The following ALDH1A1 variants were observed in gnomAD, a reference collection of about 807,000 sequenced individuals.
ALDH1A1 encodes the protein aldehyde dehydrogenase 1 family member A1, also known as aldehyde dehydrogenase 1A1.
In ALDH1A1, 19 loss-of-function variants were observed where a neutral mutation model predicts 62.1. The ratio of observed to expected loss-of-function variants is 0.31; its 90% CI spans 0.21 to 0.45. ALDH1A1 has a LOEUF of 0.45. Among genes scored for constraint, ALDH1A1 ranks in the 20% least tolerant of loss-of-function variants. The pLI is 1.00. For synonymous variants in ALDH1A1, 231 were observed against 215.9 expected (o/e 1.07, Z -0.61); for missense variants, 521 against 607.1 (o/e 0.86, Z 1.49).
chr9:72,931,559 A>T (rs1004599593), intron 2 of ALDH1A1, among the ~76,000 whole-genome samples: 7 of 152,210 alleles, frequency 4.6e-5, no homozygotes, highest in African/African-American at 1.4e-4. Context: ...CAAGCTCAAG[A>T]TCCAAAATAA....
intron 9 of ALDH1A1, 96 bp downstream of exon 9, chr9:72,916,824 C>T (rs1449719101): frequency 2.0e-6 from 2 of 1,015,430 alleles, no homozygotes; most frequent in East Asian, 2.9e-5. Context: ...GGAAGGTGTG[C>T]AGATGGGAAG....
intron 1 of ALDH1A1, among the ~76,000 whole-genome samples, chr9:72,944,434 C>T (rs1434199566): frequency 6.6e-6 from 1 of 152,062 alleles, no homozygotes. Flanking sequence ...TTTTCTTCCC[C>T]TTAGCTACAG....
In ALDH1A1 at chr9:72,909,694, G is replaced by A. The variant is rs768578296; in HGVS notation, c.1266C>T (p.Asn422=). 5.0e-6 allele frequency: 8 copies of A among 1,613,502 alleles called. No homozygotes were observed. Among genetic ancestry groups the A allele is most frequent in the East Asian group, 2.2e-5 (1 of 44,858 alleles). Residue 422 remains asparagine, a synonymous_variant, in exon 11 of 13, where the codon AAC becomes AAT. Transcript: ENST00000297785. The part of the protein sequence containing the change: ...KSLDDVIKRA[N]NTFYGLSAGV... ...CTGCTGATAAGCCATAGAAAGTATT[G>A]TTTGCTCTTTTGATCACGTCATCTA... is the stretch of plus-strand genomic sequence containing the variant.
chr9:72,945,311 C>T (rs1588145735), intron 1 of ALDH1A1, among the ~76,000 whole-genome samples: 1 of 151,658 alleles, frequency 6.6e-6, no homozygotes, highest in East Asian at 1.9e-4. Flanking sequence ...CTCAGAGTGC[C>T]TTAAATTAAT....
intron 7 of ALDH1A1, 159 bp downstream of exon 7, chr9:72,923,860 C>G: frequency 2.0e-6 from 1 of 497,252 alleles, no homozygotes; most frequent in Admixed American, 3.9e-5. Context: ...ACTACATCTG[C>G]TTATATTCTA....
chr9:72,940,165 C>A lies in ALDH1A1; in HGVS notation c.154G>T (p.Val52Leu). The A allele has an allele frequency of 1.2e-6, 2 of 1,612,764 alleles. No individual in the cohort carries two copies. Among genetic ancestry groups the A allele is most frequent in the Non-Finnish European group, 1.7e-6 (2 of 1,178,940 alleles). ...NPATEEELCQ[V>L]EEGDKEDVDK... ...AAACTCACCTTATCTCCTTCTTCTA[C>A]CTGGCAGAGCTCCTCCTCAGTTGCA... The change falls in exon 2 of 13, where the codon GTA (valine) becomes TTA (leucine). Residue 52 changes from valine to leucine, a missense_variant. Physicochemically the swap from Val to Leu is conservative, Grantham distance 32. Coordinates refer to ENST00000297785, the MANE Select transcript of ALDH1A1 (RefSeq NM_000689.5).
intron 11 of ALDH1A1, among the ~76,000 whole-genome samples, chr9:72,907,886 G>A (rs1325717438): frequency 2.0e-5 from 3 of 152,088 alleles, no homozygotes; most frequent in African/African-American, 2.4e-5. Context: ...TAGCTATACC[G>A]ACTATTCAAG....
chr9:72,924,004 A>G lies in ALDH1A1; in HGVS notation c.747+15T>C, dbSNP rs745673828. ...GCAGACATTCTTAACTTTTGCCCTG[A>G]GTAAATAATATTACCTCTGTTGATC... On this transcript the variant is annotated intron_variant, in intron 7 of 12. Transcript: ENST00000297785. 1 of 1,558,726 alleles carries G rather than the reference A, an allele frequency of 6.4e-7. No individual in the cohort carries two copies. Among genetic ancestry groups the G allele is most frequent in the Non-Finnish European group, 8.7e-7 (1 of 1,145,926 alleles).
intron 11 of ALDH1A1, among the ~76,000 whole-genome samples, chr9:72,909,354 A>C (rs1829950528): frequency 6.6e-6 from 1 of 151,942 alleles, no homozygotes; most frequent in African/African-American, 2.4e-5. Context: ...GCGTTTCACC[A>C]TGTTGGCCAG....
chr9:72,920,757 T>G (rs1460895612), intron 7 of ALDH1A1, among the ~76,000 whole-genome samples: 1 of 152,212 alleles, frequency 6.6e-6, no homozygotes, highest in Non-Finnish European at 1.5e-5. Flanking sequence ...TTCATTCCCT[T>G]ATTTGGAGAA....
chr9:72,927,048 G>A (rs766798768), intron 5 of ALDH1A1, 68 bp downstream of exon 5: 3 of 1,117,868 alleles, frequency 2.7e-6, no homozygotes, highest in African/African-American at 1.6e-5. Context: ...TTTAGAGAAA[G>A]CTTCATCATT....
chr9:72,907,244 G>C (rs114516341), intron 11 of ALDH1A1, among the ~76,000 whole-genome samples: 248 of 152,150 alleles, frequency 1.6e-3, no homozygotes, highest in African/African-American at 5.8e-3. Context: ...TTGTTTAATT[G>C]CCCTTTAAAT....
At chr9:72,924,848 A>T (rs957821851) in intron 6 of ALDH1A1, among the ~76,000 whole-genome samples, 7 of 152,196 alleles carry the variant, frequency 4.6e-5, no homozygotes, top group African/African-American at 1.7e-4. Flanking sequence ...TTATTTTTTA[A>T]GATTTGGTAA....
At chr9:72,915,435 TTAGA>T (rs372435546) in intron 9 of ALDH1A1, among the ~76,000 whole-genome samples, 3 of 148,580 alleles carry the variant, frequency 2.0e-5, no homozygotes, top group Admixed American at 1.4e-4. Context: ...TCACTTTTAG[TTAGA>T]TAGATAAATA....
At chr9:72,931,168 A>T in intron 2 of ALDH1A1, 149 bp from the exon 3 acceptor site, 1 of 761,484 alleles carries the variant, frequency 1.3e-6, no homozygotes, top group Non-Finnish European at 2.1e-6. Context: ...CGCACATTCA[A>T]CTACTGTATG....
chr9:72,917,365 G>T (rs1331078512), intron 8 of ALDH1A1, among the ~76,000 whole-genome samples: 2 of 151,898 alleles, frequency 1.3e-5, no homozygotes, highest in Non-Finnish European at 2.9e-5. Flanking sequence ...CAAGAATGTA[G>T]ATTTGATCAT....
intron 10 of ALDH1A1, among the ~76,000 whole-genome samples, chr9:72,911,010 G>A (rs983437056): frequency 6.6e-6 from 1 of 152,044 alleles, no homozygotes. Flanking sequence ...CTTAATTGAA[G>A]ATTTTTTTCC....
At chr9:72,946,059 A>G (rs968407767) in intron 1 of ALDH1A1, among the ~76,000 whole-genome samples, 1 of 151,898 alleles carries the variant, frequency 6.6e-6, no homozygotes, top group African/African-American at 2.4e-5. Context: ...GTTTTGAGCC[A>G]CTCCATCACT....
At chr9:72,934,801 A>T (rs1205672848) in intron 2 of ALDH1A1, among the ~76,000 whole-genome samples, 1 of 152,166 alleles carries the variant, frequency 6.6e-6, no homozygotes, top group African/African-American at 2.4e-5. Context: ...CTTGGTTTAT[A>T]AATGAATAGA....
Sources: allele counts gnomAD v4.1 joint callset (sites outside exome capture counted in the v4.1 genomes callset), GRCh38; gene constraint gnomAD v4.1.1; transcripts MANE v1.5; gene names NCBI Gene and HGNC (gene_info 2026-07-23, HGNC 2026-07-21).